UBR4: variants seen among roughly 807,000 people sequenced by gnomAD.
UBR4 encodes E3 ubiquitin-protein ligase UBR4.
Under a neutral mutation model 575.6 loss-of-function variants are expected in UBR4, and 124 were observed. That is an observed-to-expected ratio of 0.22 (90% CI 0.19 to 0.25). The LOEUF is 0.25. UBR4 is among the 10% of genes least tolerant of loss of function. The pLI, the probability that UBR4 is intolerant of heterozygous loss-of-function variation, is 1.00. For synonymous variants in UBR4, 2,455 were observed against 2,473.7 expected (o/e 0.99, Z 0.22); for missense variants, 4,818 against 6,478.8 (o/e 0.74, Z 8.80).
Position 19,126,354 on chromosome 1 carries a change from C to T in UBR4, c.9438+92G>A. 2.7e-6 allele frequency: 4 copies of T among 1,492,350 alleles called. No homozygotes were observed. In the South Asian group the frequency reaches 3.6e-5, roughly 13 times the overall value. The allele number at this position is 1,492,350 out of a possible 1,614,324, so 92.4% of individuals were successfully genotyped here. On this transcript the variant is annotated intron_variant, in intron 64 of 105. Coordinates refer to ENST00000375254, the MANE Select transcript of UBR4 (RefSeq NM_020765.3). ...GCCGGCTCCTTCCTATGGCTCTTCA[C>T]CCTCAGCCCCTTGAGCTCTCTGCAC...
chr1:19,138,114 G>A lies in UBR4; in HGVS notation c.8799C>T (p.Val2933=). 2 of 1,598,876 alleles carry A rather than the reference G, an allele frequency of 1.3e-6. No homozygotes were observed. Among genetic ancestry groups the A allele is most frequent in the Non-Finnish European group, 1.7e-6 (2 of 1,171,244 alleles). Residue 2933 remains valine, a synonymous_variant, in exon 60 of 106, where the codon GTC becomes GTT. Transcript: ENST00000375254. ...AEGHPAGPGS[V]SSSTGAISTT... ...TGCTGATGGCTCCAGTGCTTGAGCT[G>A]ACACTTCCTGGTCCAGCCGGATGCC...
chr1:19,082,415 A>G (rs1489002980), intron 102 of UBR4, among the ~76,000 whole-genome samples: 1 of 152,246 alleles, frequency 6.6e-6, no homozygotes, highest in African/African-American at 2.4e-5. Context: ...GAAGCCAGGT[A>G]GCCTGTCCAT....
chr1:19,104,511 A>G, intron 86 of UBR4, 74 bp downstream of exon 86: 1 of 1,508,940 alleles, frequency 6.6e-7, no homozygotes, highest in Non-Finnish European at 9.1e-7. Flanking sequence ...AGTCAACCCC[A>G]GCACCCAAGG....
intron 64 of UBR4, 147 bp from the exon 65 acceptor site, chr1:19,124,837 T>TA: frequency 9.2e-7 from 1 of 1,083,474 alleles, no homozygotes; most frequent in South Asian, 1.7e-5. Context: ...ACTGACAGTT[T>TA]ATTCTATAAA....
Position 19,167,136 on chromosome 1 carries a change from T to C in UBR4, c.3995A>G (p.Asn1332Ser). The stretch of plus-strand genomic sequence containing the variant: ...AGGGCCCAAGATGCGTTCCAGGGAG[T>C]TGCTACTGATCTCGGCAACACTCTC... ...STESVAEISS[N>S]SLERILGPAE... Residue 1332 changes from asparagine to serine, a missense_variant, in exon 29 of 106, where the codon AAC becomes AGC. By Grantham distance (46) the Asn-to-Ser change is conservative (BLOSUM62 1). This residue lies in a region of UBR4 where 1,172 missense variants were observed against 1,259.7 expected (regional missense o/e 0.93). Transcript: ENST00000375254. The C allele has an allele frequency of 1.2e-6, 2 of 1,613,900 alleles. No homozygotes were observed. Among genetic ancestry groups the C allele is most frequent in the Non-Finnish European group, 1.7e-6 (2 of 1,179,998 alleles).
intron 85 of UBR4, 128 bp from the exon 86 acceptor site, chr1:19,104,794 G>T (rs1289251141): frequency 1.7e-6 from 2 of 1,164,680 alleles, no homozygotes; most frequent in African/African-American, 1.5e-5. Flanking sequence ...AACCCTTGCA[G>T]AACTCCTTTC....
chr1:19,179,253 A>C, intron 17 of UBR4, 33 bp from the exon 18 acceptor site: 1 of 1,511,896 alleles, frequency 6.6e-7, no homozygotes, highest in Non-Finnish European at 8.8e-7. Flanking sequence ...GAACATTAGC[A>C]AACAGATACG....
At position 19,079,638 on chromosome 1, in the gene UBR4, T is replaced by C. The variant is rs1426668615; in HGVS notation, c.15234-1572A>G. On this transcript the variant is annotated intron_variant, in intron 103 of 105. Transcript: ENST00000375254. Reference sequence around the variant, plus strand: ...GACTTACAGGACTTAGGACAAAGCCTGCCGCCAGTGAGGCTGCCCCAGCAT... The same window carrying C: ...GACTTACAGGACTTAGGACAAAGCCCGCCGCCAGTGAGGCTGCCCCAGCAT... 3 of 152,318 alleles carry C rather than the reference T, an allele frequency of 2.0e-5. 1 individual carries two copies. The highest frequency in any genetic ancestry group is 4.4e-5 in the Non-Finnish European group (3 of 68,108). 9.4% of individuals were successfully genotyped at this position (152,318 alleles called of 1,614,324 possible).
chr1:19,120,834 A>G (rs1020296743), intron 68 of UBR4, among the ~76,000 whole-genome samples: 11 of 152,216 alleles, frequency 7.2e-5, no homozygotes, highest in African/African-American at 2.7e-4. Flanking sequence ...CAGCTAAGAG[A>G]GCTAACATTT....
Position 19,093,661 on chromosome 1 carries a change from C to G in UBR4, c.13938-175G>C, listed in dbSNP as rs2077742821. 6.6e-6 allele frequency among the ~76,000 whole-genome samples: 1 copy of G among 152,236 alleles called. No individual in the cohort carries two copies. The highest frequency in any genetic ancestry group is 1.5e-5 in the Non-Finnish European group (1 of 68,054). ...CACTCTCCCTGTTTACCTGCTATGTCTCCCACGCTCACAGCCTTCTCTTGC... is the reference window on the plus strand; with the variant it reads ...CACTCTCCCTGTTTACCTGCTATGTGTCCCACGCTCACAGCCTTCTCTTGC... On this transcript the variant is annotated intron_variant, in intron 95 of 105. Transcript: ENST00000375254. This position sits in a 1 kb window ranked among gnomAD's most constrained non-coding sequence, Gnocchi z 4.8.
rs1158649761 is a variant in UBR4 at position 19,120,967 on chromosome 1, GACTTTT to G, written c.10141+216_10141+221del. Reference sequence around the variant, plus strand: ...CTACTAAAAATGTTCAGTGCACTTTGACTTTTCTTATTACTGTCACTTGGTATGAGA... The same window carrying G: ...CTACTAAAAATGTTCAGTGCACTTTGCTTATTACTGTCACTTGGTATGAGA... On this transcript the variant is annotated intron_variant, in intron 68 of 105. Transcript: ENST00000375254. Among the ~76,000 whole-genome samples, 6 of 152,318 alleles carry G rather than the reference GACTTTT, an allele frequency of 3.9e-5. No individual in the cohort carries two copies. The East Asian group carries it at 9.6e-4, about 24-fold the overall frequency.
intron 22 of UBR4, among the ~76,000 whole-genome samples, chr1:19,174,088 C>A (rs143785715): frequency 6.6e-6 from 1 of 152,098 alleles, no homozygotes; most frequent in Non-Finnish European, 1.5e-5. Context: ...GGGGGGGGAC[C>A]ACTAACTCTT....
Position 19,193,464 on chromosome 1 carries a change from T to G in UBR4, c.1112A>C (p.Glu371Ala). 6.2e-7 allele frequency: 1 copy of G among 1,614,168 alleles called. No individual in the cohort carries two copies. Among genetic ancestry groups the G allele is most frequent in the Non-Finnish European group, 8.5e-7 (1 of 1,180,010 alleles). Residue 371 changes from glutamate (E) to alanine (A), a missense_variant, in exon 9 of 106, where the codon GAA (glutamate) becomes GCA (alanine). Glu to Ala is a moderately radical substitution (Grantham distance 107). Transcript: ENST00000375254. ...CTGGACAATTGTAGCTGCGTCACTTTCATAGTCATCTTCTTTGGAGCTCGT... is the reference window on the plus strand; with the variant it reads ...CTGGACAATTGTAGCTGCGTCACTTGCATAGTCATCTTCTTTGGAGCTCGT... Reference protein sequence around the residue: ...GSTSSKEDDYESDAATIVQKC... With the variant: ...GSTSSKEDDYASDAATIVQKC...
At chr1:19,133,136 C>G (rs1280157104) in intron 60 of UBR4, among the ~76,000 whole-genome samples, 1 of 152,038 alleles carries the variant, frequency 6.6e-6, no homozygotes, top group East Asian at 1.9e-4. Context: ...AATACCAATC[C>G]CTGACAAAGA....
At position 19,210,111 on chromosome 1, in the gene UBR4, C is replaced by T; in HGVS notation, c.138G>A (p.Met46Ile). 1 of 1,584,910 alleles carries T rather than the reference C, an allele frequency of 6.3e-7. No individual in the cohort carries two copies. Among genetic ancestry groups the T allele is most frequent in the Non-Finnish European group, 8.6e-7 (1 of 1,168,356 alleles). ...LLSASYSAFE[M>I]KELPQLVASV... ...AGGCCACCAGCTGCGGCAACTCCTT[C>T]ATCTCGAAGGCGGAGTAGGACGCGG... The change falls in exon 1 of 106, where the codon ATG becomes ATA. Residue 46 changes from methionine (M) to isoleucine (I), a missense_variant. Around this residue, in one of 29 missense-constraint regions of UBR4, gnomAD observed 95 missense variants for 87.7 expected, o/e 1.08. Coordinates refer to ENST00000375254, the MANE Select transcript of UBR4 (RefSeq NM_020765.3).
chr1:19,106,158 A>G (rs953434351), intron 83 of UBR4, among the ~76,000 whole-genome samples: 1 of 152,250 alleles, frequency 6.6e-6, no homozygotes, highest in Non-Finnish European at 1.5e-5. Context: ...GGGGACACTT[A>G]TATGCTGAAT....
chr1:19,195,969 T>TAC (rs55820713), intron 8 of UBR4, among the ~76,000 whole-genome samples: 13,921 of 133,874 alleles, frequency 0.1, 714 homozygotes, highest in Middle Eastern at 0.13. Flanking sequence ...GACTTACTTA[T>TAC]ACACACACAC....
At position 19,118,855 on chromosome 1, in the gene UBR4, A is replaced by T. The variant is rs760646968; in HGVS notation, c.10541+17T>A. On this transcript the variant is annotated intron_variant, in intron 71 of 105. Coordinates refer to ENST00000375254, the MANE Select transcript of UBR4 (RefSeq NM_020765.3). ...CTGACTGAGCTTCCCACAGGTAGAA[A>T]GCAAAACAAAGCTCACTTATAAATG... 2.8e-5 allele frequency: 45 copies of T among 1,613,990 alleles called. No individual in the cohort carries two copies. Among genetic ancestry groups the T allele is most frequent in the Non-Finnish European group, 3.7e-5 (44 of 1,179,844 alleles).
chr1:19,192,840 T>C lies in UBR4; in HGVS notation c.1144-300A>G, dbSNP rs541202896. Among the ~76,000 whole-genome samples, 4 of 152,068 alleles carry C rather than the reference T, an allele frequency of 2.6e-5. 1 individual carries two copies. The South Asian group carries it at 8.3e-4, about 32-fold the overall frequency. The stretch of plus-strand genomic sequence containing the variant: ...TCTTGTTGTCCAGGCTGGAGTACGA[T>C]GGCGTGATCCCGGCTCACTGAAACC... On this transcript the variant is annotated intron_variant, in intron 9 of 105. Transcript: ENST00000375254.
Sources: allele counts gnomAD v4.1 joint callset (sites outside exome capture counted in the v4.1 genomes callset), GRCh38; gene constraint gnomAD v4.1.1; regional missense constraint gnomAD v4.1.1; non-coding constraint Gnocchi (gnomAD v3.1); transcripts MANE v1.5; gene names NCBI Gene and HGNC (gene_info 2026-07-23, HGNC 2026-07-21).